BARD1: variants seen among roughly 807,000 people sequenced by gnomAD.
The protein encoded by BARD1 is BRCA1-associated RING domain protein 1.
A neutral mutation model predicts 77.0 loss-of-function variants in BARD1; 73 were observed. The ratio of observed to expected loss-of-function variants is 0.95; its 90% CI spans 0.79 to 1.15. BARD1 has a LOEUF of 1.15. Ranked by LOEUF, BARD1 falls within the 50% of genes most tolerant of loss-of-function variation. The probability of loss-of-function intolerance (pLI) is 0.00; values close to 1 mark genes in which losing one functional copy is unlikely to be tolerated. For missense variants in BARD1, 993 were observed against 938.8 expected (o/e 1.06, Z -0.75); for synonymous variants, 384 against 338.0 (o/e 1.14, Z -1.49).
chr2:214,756,528 T>C (rs554371263), intron 6 of BARD1, among the ~76,000 whole-genome samples: 2 of 152,314 alleles, frequency 1.3e-5, no homozygotes, highest in Admixed American at 1.3e-4. Flanking sequence ...TACATGCACA[T>C]GCATGTTTAT....
At chr2:214,797,818 G>A (rs1695826007) in intron 1 of BARD1, among the ~76,000 whole-genome samples, 3 of 152,190 alleles carry the variant, frequency 2.0e-5, no homozygotes, top group Admixed American at 2.0e-4. Flanking sequence ...CAGATTAGCA[G>A]TGTGTCTGCA....
chr2:214,744,515 C>T (rs1392834063), intron 9 of BARD1, among the ~76,000 whole-genome samples: 1 of 152,160 alleles, frequency 6.6e-6, no homozygotes, highest in African/African-American at 2.4e-5. Flanking sequence ...CTATGTACTC[C>T]ATTTACTTTT....
In BARD1 at chr2:214,775,170, T is replaced by C. The variant is rs1175015493; in HGVS notation, c.1314+5390A>G. ...AGAATTTTTTCTTTGCATTCACAAA[T>C]TGGCTGTTTGGCAAGAGACCTAGCT... On this transcript the variant is annotated intron_variant, in intron 4 of 10. Coordinates refer to ENST00000260947, the MANE Select transcript of BARD1 (RefSeq NM_000465.4). 2.0e-5 allele frequency among the ~76,000 whole-genome samples: 3 copies of C among 152,210 alleles called. No homozygotes were observed. The East Asian group carries it at 5.8e-4, about 29-fold the overall frequency.
chr2:214,788,661 CTACACATGACCATT>C (rs1459488146), intron 3 of BARD1, among the ~76,000 whole-genome samples: 1 of 152,154 alleles, frequency 6.6e-6, no homozygotes, highest in East Asian at 1.9e-4. Flanking sequence ...TCATCATCTT[CTACACATGACCATT>C]TAACAGAATC....
chr2:214,728,473 C>A lies in BARD1; in HGVS notation c.*203G>T. On this transcript the variant is annotated 3_prime_UTR_variant, in exon 11 of 11. Coordinates refer to ENST00000260947, the MANE Select transcript of BARD1 (RefSeq NM_000465.4). ...AACATGCCAATTTTAAAAAGAAAAA[C>A]CTTTAAAAGCAATCCCAGCTTCTAA... 7 of 592,862 alleles carry A rather than the reference C, an allele frequency of 1.2e-5. No individual in the cohort carries two copies. The highest frequency in any genetic ancestry group is 4.3e-5 in the South Asian group (2 of 46,912). The allele number at this position is 592,862 out of a possible 1,614,324, so 36.7% of individuals were successfully genotyped here. A position where few individuals can be genotyped will look rare whatever the true frequency, so the allele number is the denominator to read the frequency against.
chr2:214,742,935 A>C (rs979302052), intron 9 of BARD1, among the ~76,000 whole-genome samples: 7 of 152,224 alleles, frequency 4.6e-5, no homozygotes, highest in Non-Finnish European at 1.0e-4. Context: ...CCTAATCATG[A>C]AACCATTTTA....
chr2:214,730,294 C>A, intron 10 of BARD1, 117 bp downstream of exon 10: 1 of 849,928 alleles, frequency 1.2e-6, no homozygotes, highest in East Asian at 2.6e-5. Flanking sequence ...GAAATAAGCA[C>A]AATTAAAATT....
chr2:214,747,847 AAAGTAT>A (rs1047785197), intron 7 of BARD1, among the ~76,000 whole-genome samples: 10 of 151,778 alleles, frequency 6.6e-5, no homozygotes, highest in African/African-American at 2.2e-4. Flanking sequence ...CCTAAAACTT[AAAGTAT>A]AATAATAATA....
At chr2:214,801,719 A>T (rs16852770) in intron 1 of BARD1, among the ~76,000 whole-genome samples, 8,893 of 152,244 alleles carry the variant, frequency 0.058, 263 homozygotes, top group Admixed American at 0.093. Flanking sequence ...TAAGGGTCTT[A>T]TAATCTGGCC....
At chr2:214,750,574 A>C (rs1693359186) in intron 7 of BARD1, among the ~76,000 whole-genome samples, 1 of 152,028 alleles carries the variant, frequency 6.6e-6, no homozygotes, top group Non-Finnish European at 1.5e-5. Context: ...TGGCTGTTAC[A>C]CTCAAAATCT....
chr2:214,754,134 G>A (rs569276131), intron 6 of BARD1, among the ~76,000 whole-genome samples: 1 of 152,030 alleles, frequency 6.6e-6, no homozygotes, highest in South Asian at 2.1e-4. Context: ...ACCCACATAT[G>A]CTATACATAT....
At chr2:214,775,259 T>C (rs952559812) in intron 4 of BARD1, among the ~76,000 whole-genome samples, 1 of 152,184 alleles carries the variant, frequency 6.6e-6, no homozygotes, top group Non-Finnish European at 1.5e-5. Flanking sequence ...TTATATAAAG[T>C]AAGAGATGAG....
At chr2:214,789,896 T>C (rs562931342) in intron 3 of BARD1, among the ~76,000 whole-genome samples, 2 of 152,208 alleles carry the variant, frequency 1.3e-5, no homozygotes, top group South Asian at 2.1e-4. Context: ...TTCCTAATTA[T>C]AATAAGGAAA....
rs786203499 is a variant in BARD1 at position 214,780,598 on chromosome 2, G to C, written c.1276C>G (p.His426Asp). The change falls in exon 4 of 11, where the codon CAT becomes GAT. Residue 426 changes from histidine (H) to aspartate (D), a missense_variant. Coordinates refer to ENST00000260947, the MANE Select transcript of BARD1 (RefSeq NM_000465.4). The part of the protein sequence containing the change: ...LLPNMAVKRN[H>D]RGETLLHIAS... ...ATATGGAGCAAAGTCTCTCCTCTAT[G>C]ATTTCTTTTCACAGCCATATTGGGC... 6.2e-7 allele frequency: 1 copy of C among 1,613,918 alleles called. No individual in the cohort carries two copies.
At chr2:214,805,382 G>A (rs930689765) in intron 1 of BARD1, among the ~76,000 whole-genome samples, 6 of 152,168 alleles carry the variant, frequency 3.9e-5, no homozygotes, top group Non-Finnish European at 7.4e-5. Flanking sequence ...GTGATTTCTC[G>A]TTATTCTAAT....
intron 9 of BARD1, among the ~76,000 whole-genome samples, chr2:214,732,326 T>C (rs1692391206): frequency 6.6e-6 from 1 of 152,218 alleles, no homozygotes; most frequent in African/African-American, 2.4e-5. Flanking sequence ...GTCCTGCGAT[T>C]GCATCTAATA....
At chr2:214,741,549 C>T (rs1435373624) in intron 9 of BARD1, among the ~76,000 whole-genome samples, 1 of 152,020 alleles carries the variant, frequency 6.6e-6, no homozygotes, top group Non-Finnish European at 1.5e-5. Flanking sequence ...CTCTTTAATG[C>T]CAAAATCAAC....
At position 214,730,423 on chromosome 2, in the gene BARD1, G is replaced by A. The variant is rs587782767; in HGVS notation, c.1989C>T (p.Asn663=). Residue 663 remains asparagine, a synonymous_variant, in exon 10 of 11, where the codon AAC becomes AAT. Coordinates refer to ENST00000260947, the MANE Select transcript of BARD1 (RefSeq NM_000465.4). ...IPEGPRRSRL[N]REQLLPKLFD... ...AAAAGAAAAATACCAGCTGTTCTCTGTTGAGCCTGCTTCTGCGTGGACCTT... is the reference window on the plus strand; with the variant it reads ...AAAAGAAAAATACCAGCTGTTCTCTATTGAGCCTGCTTCTGCGTGGACCTT... 6.2e-7 allele frequency: 1 copy of A among 1,613,570 alleles called. No homozygotes were observed. Among genetic ancestry groups the A allele is most frequent in the Admixed American group, 1.7e-5 (1 of 60,010 alleles).
chr2:214,772,616 T>C lies in BARD1; in HGVS notation c.1315-3304A>G, dbSNP rs1694557785. Among the ~76,000 whole-genome samples, 4 of 152,202 alleles carry C rather than the reference T, an allele frequency of 2.6e-5. No individual in the cohort carries two copies. The South Asian group carries it at 6.2e-4, about 24-fold the overall frequency. ...TGCTATTTTTCTTTCATGTCACCTC[T>C]TCATATTATCAAAGTGTCTTCTGTT... On this transcript the variant is annotated intron_variant, in intron 4 of 10. Transcript: ENST00000260947.
Sources: allele counts gnomAD v4.1 joint callset (sites outside exome capture counted in the v4.1 genomes callset), GRCh38; gene constraint gnomAD v4.1.1; transcripts MANE v1.5; gene names NCBI Gene and HGNC (gene_info 2026-07-23, HGNC 2026-07-21).